SLC25A21: variants seen among roughly 807,000 people sequenced by gnomAD.
SLC25A21 encodes the protein solute carrier family 25 member 21.
In SLC25A21, 47 loss-of-function variants were observed where a neutral mutation model predicts 43.8. That is an observed-to-expected ratio of 1.07 (90% CI 0.85 to 1.37). SLC25A21 has a LOEUF of 1.37. SLC25A21 is among the 40% of genes most tolerant of loss of function. SLC25A21 has a pLI of 0.00. For synonymous variants in SLC25A21, 131 were observed against 121.3 expected (o/e 1.08, Z -0.52); for missense variants, 352 against 350.2 (o/e 1.00, Z -0.04).
intron 2 of SLC25A21, among the ~76,000 whole-genome samples, chr14:36,822,885 A>G (rs575715364): frequency 6.6e-6 from 1 of 152,340 alleles, no homozygotes; most frequent in East Asian, 1.9e-4. Flanking sequence ...TAAATATCCT[A>G]TAAATAGTTC....
chr14:36,986,625 A>C (rs1353035782), intron 1 of SLC25A21, among the ~76,000 whole-genome samples: 1 of 152,118 alleles, frequency 6.6e-6, no homozygotes, highest in South Asian at 2.1e-4. Context: ...TCAGGTTAGC[A>C]ATCTCCTGTT....
At chr14:37,108,008 C>A (rs1319998017) in intron 1 of SLC25A21, among the ~76,000 whole-genome samples, 1 of 152,074 alleles carries the variant, frequency 6.6e-6, no homozygotes, top group East Asian at 1.9e-4. Context: ...ATTGTATAGT[C>A]CATCTGTTCA....
intron 3 of SLC25A21, among the ~76,000 whole-genome samples, chr14:36,811,560 G>A (rs1243213090): frequency 1.3e-5 from 2 of 152,132 alleles, no homozygotes; most frequent in Admixed American, 6.6e-5. Flanking sequence ...GCTAAGGCAG[G>A]AGAATTGCTT....
At chr14:36,972,422 G>A (rs1959772271) in intron 1 of SLC25A21, among the ~76,000 whole-genome samples, 1 of 152,122 alleles carries the variant, frequency 6.6e-6, no homozygotes, top group African/African-American at 2.4e-5. Context: ...AATAATTAAG[G>A]CCATGGTCAT....
intron 2 of SLC25A21, among the ~76,000 whole-genome samples, chr14:36,865,966 T>A (rs1305216797): frequency 6.6e-6 from 1 of 152,130 alleles, no homozygotes; most frequent in Non-Finnish European, 1.5e-5. Flanking sequence ...TAAGTCCTGA[T>A]GGGGGGTGAG....
chr14:36,773,250 C>T (rs1425600413), intron 3 of SLC25A21, among the ~76,000 whole-genome samples: 2 of 152,070 alleles, frequency 1.3e-5, no homozygotes, highest in African/African-American at 4.8e-5. Context: ...GTTGTGTCTT[C>T]TCAGCTGTGA....
chr14:36,723,722 C>T (rs1884468986), intron 6 of SLC25A21, among the ~76,000 whole-genome samples: 1 of 152,188 alleles, frequency 6.6e-6, no homozygotes, highest in South Asian at 2.1e-4. Context: ...AGTGCAGAGC[C>T]TCCTTGAGGG....
rs1886820756 is a variant in SLC25A21 at position 36,776,230 on chromosome 14, CTTTCTTTCTTTT to C, written c.203+37676_203+37687del. Among the ~76,000 whole-genome samples, 2 of 70,802 alleles carry C rather than the reference CTTTCTTTCTTTT, an allele frequency of 2.8e-5. 1 individual carries two copies. Among genetic ancestry groups the C allele is most frequent in the Admixed American group, 3.3e-4 (2 of 6,052 alleles). 46.4% of individuals were successfully genotyped at this position (70,802 alleles called of 152,430 possible). A position where few individuals can be genotyped will look rare whatever the true frequency, so the allele number is the denominator to read the frequency against. The stretch of plus-strand genomic sequence containing the variant: ...ACTGCTTTCTTTTTTCTTTTTCTTT[CTTTCTTTCTTTT>C]TTTTTTTTTTTTGAGATGGAGTCTC... On this transcript the variant is annotated intron_variant, in intron 3 of 9. Coordinates refer to ENST00000331299, the MANE Select transcript of SLC25A21 (RefSeq NM_030631.4).
At chr14:36,742,487 T>G (rs1324192229) in intron 3 of SLC25A21, among the ~76,000 whole-genome samples, 1 of 152,180 alleles carries the variant, frequency 6.6e-6, no homozygotes, top group Non-Finnish European at 1.5e-5. Flanking sequence ...AGAATCCAAA[T>G]GAAAGAGTGG....
intron 1 of SLC25A21, among the ~76,000 whole-genome samples, chr14:37,161,765 G>T (rs10146734): frequency 6.6e-6 from 1 of 151,396 alleles, no homozygotes; most frequent in African/African-American, 2.4e-5. Flanking sequence ...CCAAGACCAT[G>T]CTGGCTAACA....
intron 1 of SLC25A21, among the ~76,000 whole-genome samples, chr14:37,132,433 G>A (rs920656711): frequency 1.3e-5 from 2 of 152,106 alleles, no homozygotes; most frequent in East Asian, 1.9e-4. Flanking sequence ...ATTTAAAGGT[G>A]TGTCTGAAAA....
intron 2 of SLC25A21, among the ~76,000 whole-genome samples, chr14:36,825,741 T>C (rs1888806849): frequency 6.6e-6 from 1 of 152,206 alleles, no homozygotes; most frequent in Non-Finnish European, 1.5e-5. Flanking sequence ...ATGGGAAACC[T>C]AGGTTTCCTA....
At chr14:36,801,167 C>T (rs1435796121) in intron 3 of SLC25A21, among the ~76,000 whole-genome samples, 2 of 152,142 alleles carry the variant, frequency 1.3e-5, no homozygotes, top group African/African-American at 2.4e-5. Context: ...CAACCCTTGC[C>T]TCCTCAGCCT....
chr14:37,028,660 C>T (rs1961143471), intron 1 of SLC25A21, among the ~76,000 whole-genome samples: 1 of 152,072 alleles, frequency 6.6e-6, no homozygotes, highest in Non-Finnish European at 1.5e-5. Context: ...TAAAAAATAA[C>T]ATTAAAGTAT....
intron 1 of SLC25A21, among the ~76,000 whole-genome samples, chr14:36,976,273 T>C (rs1200371797): frequency 3.9e-5 from 6 of 152,100 alleles, no homozygotes; most frequent in Non-Finnish European, 8.8e-5. Context: ...GGGCTCCTCA[T>C]GCATACACGT....
At chr14:37,130,786 T>C (rs1465516323) in intron 1 of SLC25A21, among the ~76,000 whole-genome samples, 1 of 152,180 alleles carries the variant, frequency 6.6e-6, no homozygotes, top group East Asian at 1.9e-4. Context: ...CTTGAGACAT[T>C]CCCTTGCTTG....
In SLC25A21 at chr14:37,144,466, T is replaced by C. The variant is rs8014163; in HGVS notation, c.70+27815A>G. Among the ~76,000 whole-genome samples, 918 of 152,206 alleles carry C rather than the reference T, an allele frequency of 6.0e-3. 13 individuals carry two copies. Among genetic ancestry groups the C allele is most frequent in the African/African-American group, 0.021 (885 of 41,540 alleles). On this transcript the variant is annotated intron_variant, in intron 1 of 9. Coordinates refer to ENST00000331299, the MANE Select transcript of SLC25A21 (RefSeq NM_030631.4). ...ATTTGATAGAGTGACTACTAAAATATTAGTTAAGAACCACTCCTGTGGACC... is the reference window on the plus strand; with the variant it reads ...ATTTGATAGAGTGACTACTAAAATACTAGTTAAGAACCACTCCTGTGGACC...
At chr14:36,708,329 A>C (rs2139183082) in intron 7 of SLC25A21, among the ~76,000 whole-genome samples, 1 of 152,334 alleles carries the variant, frequency 6.6e-6, no homozygotes, top group Admixed American at 6.5e-5. Flanking sequence ...TGAATCACTT[A>C]TTTACTAGTA....
intron 1 of SLC25A21, among the ~76,000 whole-genome samples, chr14:37,110,512 C>T (rs187470461): frequency 1.3e-5 from 2 of 152,212 alleles, no homozygotes; most frequent in African/African-American, 4.8e-5. Flanking sequence ...AGTACAGACA[C>T]AAGTTATAAT....
Sources: allele counts gnomAD v4.1 joint callset (sites outside exome capture counted in the v4.1 genomes callset), GRCh38; gene constraint gnomAD v4.1.1; transcripts MANE v1.5; gene names NCBI Gene and HGNC (gene_info 2026-07-23, HGNC 2026-07-21).